The following SNTG1 variants were observed in gnomAD, a reference collection of about 807,000 sequenced individuals.
SNTG1 encodes gamma-1-syntrophin.
A neutral mutation model predicts 74.7 loss-of-function variants in SNTG1; 39 were observed. The ratio of observed to expected loss-of-function variants is 0.52; its 90% CI spans 0.40 to 0.68. SNTG1 has a LOEUF of 0.68. SNTG1 is among the 30% of genes least tolerant of loss of function. The pLI is 0.00. For synonymous variants in SNTG1, 254 were observed against 217.1 expected, an observed-to-expected ratio of 1.17 and a Z score of -1.49; for missense variants, 685 against 609.5, an observed-to-expected ratio of 1.12 and a Z score of -1.30.
chr8:49,919,034 C>T (rs536432392), intron 1 of SNTG1, among the ~76,000 whole-genome samples: 4 of 152,228 alleles, frequency 2.6e-5, no homozygotes, highest in Non-Finnish European at 5.9e-5. Flanking sequence ...TACGGTTTGC[C>T]TACGTGATAA....
At chr8:50,177,568 G>C (rs146062066) in intron 2 of SNTG1, among the ~76,000 whole-genome samples, 1 of 152,158 alleles carries the variant, frequency 6.6e-6, no homozygotes, top group Admixed American at 6.5e-5. Context: ...AGAGAGGCTG[G>C]TTACAGCCAG....
At chr8:50,590,846 C>A in intron 12 of SNTG1, 33 bp from the exon 13 acceptor site, 1 of 1,421,700 alleles carries the variant, frequency 7.0e-7, no homozygotes, top group South Asian at 1.3e-5. Context: ...ATCTATTGTT[C>A]TTCTCACTTT....
At chr8:50,245,188 A>T (rs560675046) in intron 2 of SNTG1, among the ~76,000 whole-genome samples, 41 of 152,254 alleles carry the variant, frequency 2.7e-4, no homozygotes, top group African/African-American at 9.1e-4. Context: ...AACAGACTAA[A>T]TGAAGGTGAC....
At chr8:50,113,477 T>C (rs909414515) in intron 1 of SNTG1, among the ~76,000 whole-genome samples, 1 of 152,164 alleles carries the variant, frequency 6.6e-6, no homozygotes, top group Non-Finnish European at 1.5e-5. Context: ...CTTAAGGAGA[T>C]TTTGGGCTGA....
chr8:50,785,970 G>A (rs1343606489), intron 18 of SNTG1, among the ~76,000 whole-genome samples: 1 of 151,922 alleles, frequency 6.6e-6, no homozygotes, highest in African/African-American at 2.4e-5. Flanking sequence ...TTCATAATAA[G>A]TATACTGAAG....
chr8:50,751,529 GGCTCTATAAAAT>G (rs1328691994), intron 17 of SNTG1, among the ~76,000 whole-genome samples: 1 of 151,946 alleles, frequency 6.6e-6, no homozygotes, highest in Non-Finnish European at 1.5e-5. Flanking sequence ...TGCAGATGAT[GGCTCTATAAAAT>G]GCTTATTCTG....
intron 15 of SNTG1, among the ~76,000 whole-genome samples, chr8:50,668,699 G>T (rs1050913949): frequency 4.6e-5 from 7 of 151,672 alleles, no homozygotes; most frequent in Non-Finnish European, 1.0e-4. Flanking sequence ...CCCACCCTGT[G>T]TCCATGTGTT....
At chr8:50,430,623 G>T (rs552222175) in intron 4 of SNTG1, among the ~76,000 whole-genome samples, 1 of 152,244 alleles carries the variant, frequency 6.6e-6, no homozygotes, top group Non-Finnish European at 1.5e-5. Flanking sequence ...TTGTTCTAAG[G>T]GGTGTTTTAT....
intron 9 of SNTG1, among the ~76,000 whole-genome samples, chr8:50,507,468 T>G (rs2094017361): frequency 6.6e-6 from 1 of 152,114 alleles, no homozygotes; most frequent in Non-Finnish European, 1.5e-5. Context: ...CCCTTCGTAT[T>G]TTGTGAGGAA....
At chr8:50,413,254 A>T (rs1311505232) in intron 4 of SNTG1, among the ~76,000 whole-genome samples, 3 of 152,206 alleles carry the variant, frequency 2.0e-5, no homozygotes, top group Non-Finnish European at 4.4e-5. Flanking sequence ...TGGATGATAG[A>T]TGCATAGAGG....
intron 2 of SNTG1, among the ~76,000 whole-genome samples, chr8:50,228,464 T>C (rs1191131975): frequency 1.3e-5 from 2 of 151,926 alleles, no homozygotes; most frequent in Non-Finnish European, 2.9e-5. Flanking sequence ...TAAAATTACC[T>C]ATCTATTCCT....
At chr8:49,983,170 G>T (rs1304555179) in intron 1 of SNTG1, among the ~76,000 whole-genome samples, 2 of 152,086 alleles carry the variant, frequency 1.3e-5, no homozygotes, top group African/African-American at 4.8e-5. Flanking sequence ...TTGACAACTT[G>T]TCTTTGTTAC....
intron 12 of SNTG1, among the ~76,000 whole-genome samples, chr8:50,574,019 T>C (rs1041167618): frequency 1.3e-5 from 2 of 152,024 alleles, no homozygotes; most frequent in African/African-American, 4.8e-5. Context: ...TGGAAAAATA[T>C]ATATGATATT....
chr8:50,494,586 A>C (rs2093887385), intron 8 of SNTG1, among the ~76,000 whole-genome samples: 1 of 152,032 alleles, frequency 6.6e-6, no homozygotes, highest in South Asian at 2.1e-4. Flanking sequence ...TGAGCTACTC[A>C]TTTGGCCACA....
At chr8:50,277,476 T>C (rs942411179) in intron 2 of SNTG1, among the ~76,000 whole-genome samples, 1 of 152,182 alleles carries the variant, frequency 6.6e-6, no homozygotes, top group East Asian at 1.9e-4. Flanking sequence ...AATGAAATAA[T>C]TTCTTATCGA....
intron 2 of SNTG1, among the ~76,000 whole-genome samples, chr8:50,210,695 C>T (rs764672066): frequency 6.6e-6 from 1 of 152,064 alleles, no homozygotes; most frequent in Non-Finnish European, 1.5e-5. Flanking sequence ...ATGACAATCC[C>T]CTCCTCATTG....
chr8:50,319,119 G>A lies in SNTG1; in HGVS notation c.-27-75093G>A, dbSNP rs2130800563. 2.0e-5 allele frequency among the ~76,000 whole-genome samples: 3 copies of A among 152,086 alleles called. No individual in the cohort carries two copies. In the South Asian group the frequency reaches 6.2e-4, roughly 32 times the overall value. ...TTACCTAGTGTTATAGCTCCTATAG[G>A]AAAGCCAAGACAAAGGCTCGATTCT... is the stretch of plus-strand genomic sequence containing the variant. On this transcript the variant is annotated intron_variant, in intron 2 of 18. Transcript: ENST00000642720.
rs570861058 is a variant in SNTG1, at chr8:50,315,630, G to A, written c.-27-78582G>A. On this transcript the variant is annotated intron_variant, in intron 2 of 18. Coordinates refer to ENST00000642720, the MANE Select transcript of SNTG1 (RefSeq NM_018967.5). ...AATAAAGCAGAAAACCTGCAGTGTA[G>A]AACTAAAATGAAGCATACTTCAAGT... Among the ~76,000 whole-genome samples the A allele has an allele frequency of 2.2e-4, 33 of 149,958 alleles. 2 individuals carry two copies. In the South Asian group the frequency reaches 4.7e-3, roughly 21 times the overall value.
chr8:50,312,810 T>G (rs2090167015), intron 2 of SNTG1, among the ~76,000 whole-genome samples: 1 of 150,126 alleles, frequency 6.7e-6, no homozygotes, highest in Non-Finnish European at 1.5e-5. Context: ...GGGCGTATGT[T>G]AACTATGAGG....
Sources: allele counts gnomAD v4.1 joint callset (sites outside exome capture counted in the v4.1 genomes callset), GRCh38; gene constraint gnomAD v4.1.1; transcripts MANE v1.5; gene names NCBI Gene and HGNC (gene_info 2026-07-23, HGNC 2026-07-21).